Variants in RNFT2 observed in about 807,000 individuals in gnomAD.
The protein encoded by RNFT2 is ring finger protein, transmembrane 2, also known as E3 ubiquitin-protein ligase RNFT2.
A neutral mutation model predicts 53.0 loss-of-function variants in RNFT2; 36 were observed. The ratio of observed to expected loss-of-function variants is 0.68; its 90% confidence interval spans 0.52 to 0.90. The LOEUF is 0.90. RNFT2 is among the 40% of genes least tolerant of loss of function. The pLI is 0.00. For synonymous variants in RNFT2, 260 were observed against 253.2 expected (o/e 1.03, Z -0.26); for missense variants, 514 against 585.6 (o/e 0.88, Z 1.26).
chr12:116,791,990 C>T (rs1458764721), intron 7 of RNFT2, among the ~76,000 whole-genome samples: 1 of 152,202 alleles, frequency 6.6e-6, no homozygotes, highest in Non-Finnish European at 1.5e-5. Context: ...TGCTCCAGAA[C>T]TGCTACCCTG....
Position 116,825,248 on chromosome 12 carries a change from C to T in RNFT2, c.883-8544C>T, listed in dbSNP as rs901507213. On this transcript the variant is annotated intron_variant, in intron 7 of 10. Coordinates refer to ENST00000257575, the MANE Select transcript of RNFT2 (RefSeq NM_001382266.1). ...GGACTCTCCTTATAGCTTGGGCTTC[C>T]CACAAACATGGTGGCTGGAGGAGGG... 2.6e-5 allele frequency among the ~76,000 whole-genome samples: 4 copies of T among 152,172 alleles called. No individual in the cohort carries two copies. In the East Asian group the frequency reaches 7.7e-4, roughly 29 times the overall value.
chr12:116,840,325 C>T (rs1470716527), intron 10 of RNFT2, among the ~76,000 whole-genome samples: 1 of 152,158 alleles, frequency 6.6e-6, no homozygotes, highest in Non-Finnish European at 1.5e-5. Context: ...GAATCAGGCT[C>T]AGAAAAACAA....
chr12:116,831,830 A>C (rs1241706593), intron 7 of RNFT2, among the ~76,000 whole-genome samples: 1 of 151,844 alleles, frequency 6.6e-6, no homozygotes, highest in Non-Finnish European at 1.5e-5. Flanking sequence ...AAGATATAAA[A>C]TATTTCATAT....
At chr12:116,812,337 A>G (rs962714177) in intron 7 of RNFT2, among the ~76,000 whole-genome samples, 3 of 152,124 alleles carry the variant, frequency 2.0e-5, no homozygotes, top group Non-Finnish European at 4.4e-5. Flanking sequence ...GTGACAACGC[A>G]GAGATGCAGG....
chr12:116,801,812 G>T (rs1199115192), intron 7 of RNFT2, among the ~76,000 whole-genome samples: 1 of 144,390 alleles, frequency 6.9e-6, no homozygotes, highest in Non-Finnish European at 1.5e-5. Context: ...TTTTTTGTTT[G>T]TTTGTTTGTT....
At chr12:116,806,521 A>G (rs1760668921) in intron 7 of RNFT2, among the ~76,000 whole-genome samples, 1 of 151,536 alleles carries the variant, frequency 6.6e-6, no homozygotes, top group Admixed American at 6.6e-5. Flanking sequence ...CTAGCAGTTT[A>G]AGAGGCTGAG....
chr12:116,827,231 A>AGAAAGAAAGAAAGAAAGAG (rs1555209203), intron 7 of RNFT2, among the ~76,000 whole-genome samples: 29 of 147,180 alleles, frequency 2.0e-4, no homozygotes, highest in African/African-American at 7.0e-4. Context: ...AAAAAAAAAA[A>AGAAAGAAAGAAAGAAAGAG]AAAGAAAGAA....
intron 5 of RNFT2, among the ~76,000 whole-genome samples, chr12:116,766,275 T>A (rs76644732): frequency 0.022 from 3,404 of 151,958 alleles, 127 homozygotes; most frequent in African/African-American, 0.079. Context: ...GAAAAAAAAA[T>A]TAAAATAAAA....
intron 7 of RNFT2, among the ~76,000 whole-genome samples, chr12:116,795,785 G>A (rs75606005): frequency 0.039 from 5,900 of 152,298 alleles, 183 homozygotes; most frequent in African/African-American, 0.076. Context: ...GCACTGCAGA[G>A]TAGAAAGAAC....
chr12:116,805,791 A>C (rs1875019500), intron 7 of RNFT2, among the ~76,000 whole-genome samples: 1 of 152,218 alleles, frequency 6.6e-6, no homozygotes. Context: ...TGAAGTCCTG[A>C]GGCAGAATTT....
At chr12:116,836,655 T>TG (rs1266894767) in intron 10 of RNFT2, among the ~76,000 whole-genome samples, 6 of 152,130 alleles carry the variant, frequency 3.9e-5, no homozygotes, top group Non-Finnish European at 8.8e-5. Flanking sequence ...CCAGGCACAG[T>TG]GGCTCACACC....
At chr12:116,738,619 A>G (rs1871437124) in intron 1 of RNFT2, 1 of 152,184 alleles carries the variant, frequency 6.6e-6, no homozygotes, top group African/African-American at 2.4e-5. Context: ...AAGCATCGAA[A>G]AGTCTCGGTG....
At chr12:116,761,928 G>A (rs969734213) in intron 5 of RNFT2, among the ~76,000 whole-genome samples, 6 of 152,004 alleles carry the variant, frequency 3.9e-5, no homozygotes, top group South Asian at 2.1e-4. Flanking sequence ...CAGGCCGGTC[G>A]CGGTGGCTCA....
intron 7 of RNFT2, among the ~76,000 whole-genome samples, chr12:116,818,042 C>G (rs900406823): frequency 2.0e-5 from 3 of 152,164 alleles, no homozygotes; most frequent in African/African-American, 7.2e-5. Flanking sequence ...CGGGAAAGGG[C>G]TTTCTCTGTG....
At chr12:116,786,419 G>T (rs992575144) in intron 7 of RNFT2, among the ~76,000 whole-genome samples, 2 of 152,098 alleles carry the variant, frequency 1.3e-5, no homozygotes, top group Admixed American at 6.6e-5. Flanking sequence ...CCGAGATCGG[G>T]TAGTTCTTAC....
intron 6 of RNFT2, among the ~76,000 whole-genome samples, chr12:116,777,303 G>A (rs1873480207): frequency 6.6e-6 from 1 of 152,122 alleles, no homozygotes; most frequent in Non-Finnish European, 1.5e-5. Flanking sequence ...ACAGAGCAGG[G>A]CCTGCGTGAC....
chr12:116,822,346 G>GTCTC (rs564255876), intron 7 of RNFT2, among the ~76,000 whole-genome samples: 1 of 150,956 alleles, frequency 6.6e-6, no homozygotes, highest in African/African-American at 2.4e-5. Flanking sequence ...CTCTCTCTCT[G>GTCTC]TCTCTCTCTC....
At chr12:116,805,437 A>G (rs1874998486) in intron 7 of RNFT2, among the ~76,000 whole-genome samples, 2 of 152,150 alleles carry the variant, frequency 1.3e-5, no homozygotes, top group Non-Finnish European at 2.9e-5. Context: ...CAGCAGGCTG[A>G]AAGCTCTTGG....
rs776450199 is a variant in RNFT2, at chr12:116,750,248, A to G, written c.491A>G (p.Gln164Arg). The change falls in exon 4 of 11, where the codon CAG becomes CGG. Residue 164 changes from glutamine to arginine, a missense_variant. Physicochemically the swap from Gln to Arg is conservative, Grantham distance 43 (BLOSUM62 1). Around this residue, in one of 3 missense-constraint regions of RNFT2, gnomAD observed 237 missense variants for 235.1 expected, o/e 1.01. Coordinates refer to ENST00000257575, the MANE Select transcript of RNFT2 (RefSeq NM_001382266.1). ...CTGAAGGCTGTGATCTGCTGGCTCC[A>G]GAAAGGACTCCCCTTCATCCTGATC... ...SELKAVICWLQKGLPFILILL... is the reference protein window; with the variant it reads ...SELKAVICWLRKGLPFILILL... The G allele has an allele frequency of 1.2e-6, 2 of 1,607,892 alleles. No homozygotes were observed. The highest frequency in any genetic ancestry group is 2.2e-5 in the East Asian group (1 of 44,846).
Sources: allele counts gnomAD v4.1 joint callset (sites outside exome capture counted in the v4.1 genomes callset), GRCh38; gene constraint gnomAD v4.1.1; regional missense constraint gnomAD v4.1.1; transcripts MANE v1.5; gene names NCBI Gene and HGNC (gene_info 2026-07-23, HGNC 2026-07-21).